SEMA3E: variants seen among roughly 807,000 people sequenced by gnomAD.
SEMA3E encodes semaphorin-3E.
In SEMA3E, 49 loss-of-function variants were observed where a neutral mutation model predicts 93.6. The observed-to-expected ratio is 0.52, with a 90% CI of 0.42 to 0.66. The LOEUF (loss-of-function observed/expected upper bound fraction) is 0.66. Among genes scored for constraint, SEMA3E ranks in the 30% least tolerant of loss-of-function variants. The pLI, the probability that SEMA3E is intolerant of heterozygous loss-of-function variation, is 0.00. For synonymous variants in SEMA3E, 363 were observed against 330.7 expected, an observed-to-expected ratio of 1.10 and a Z score of -1.06; for missense variants, 906 against 964.8, an observed-to-expected ratio of 0.94 and a Z score of 0.81.
chr7:83,499,091 A>G (rs1432468888), intron 1 of SEMA3E, among the ~76,000 whole-genome samples: 1 of 152,182 alleles, frequency 6.6e-6, no homozygotes, highest in African/African-American at 2.4e-5. Flanking sequence ...CAAAACTTAG[A>G]GAGGTTATAG....
At chr7:83,624,633 C>G (rs917752242) in intron 1 of SEMA3E, among the ~76,000 whole-genome samples, 2 of 152,080 alleles carry the variant, frequency 1.3e-5, no homozygotes, top group Non-Finnish European at 2.9e-5. Flanking sequence ...AGCCCTTTGT[C>G]AGATGGAAAG....
In SEMA3E at chr7:83,467,885, G is replaced by A. The variant is rs116780803; in HGVS notation, c.337-1284C>T. On this transcript the variant is annotated intron_variant, in intron 3 of 16. Coordinates refer to ENST00000643230, the MANE Select transcript of SEMA3E (RefSeq NM_012431.3). ...CATCAGTAAATGAATTTTATGATCA[G>A]TATACTGAATTTAAAAAAATAGTTT... 8.1e-3 allele frequency among the ~76,000 whole-genome samples: 1,181 copies of A among 146,050 alleles called. 24 individuals carry two copies. The highest frequency in any genetic ancestry group is 0.028 in the African/African-American group (1,114 of 39,506).
chr7:83,418,925 A>G (rs954046561), intron 4 of SEMA3E, among the ~76,000 whole-genome samples: 1 of 152,064 alleles, frequency 6.6e-6, no homozygotes, highest in African/African-American at 2.4e-5. Context: ...TATAAGGGGT[A>G]CATATGCAGG....
At chr7:83,593,693 A>T (rs953035032) in intron 1 of SEMA3E, among the ~76,000 whole-genome samples, 1 of 151,930 alleles carries the variant, frequency 6.6e-6, no homozygotes, top group Non-Finnish European at 1.5e-5. Flanking sequence ...TTCATTTTAA[A>T]CAGACTGAAT....
chr7:83,624,706 T>G (rs1793634284), intron 1 of SEMA3E, among the ~76,000 whole-genome samples: 1 of 152,224 alleles, frequency 6.6e-6, no homozygotes, highest in Non-Finnish European at 1.5e-5. Flanking sequence ...TTTATTTTGC[T>G]GTGCAGAAGC....
chr7:83,541,306 A>G (rs1213550477), intron 1 of SEMA3E, among the ~76,000 whole-genome samples: 1 of 152,206 alleles, frequency 6.6e-6, no homozygotes, highest in Non-Finnish European at 1.5e-5. Flanking sequence ...TGTCTATCAA[A>G]ATCCTTATTT....
intron 1 of SEMA3E, among the ~76,000 whole-genome samples, chr7:83,615,994 G>GAAA (rs75361688): frequency 7.6e-6 from 1 of 130,810 alleles, no homozygotes; most frequent in African/African-American, 2.7e-5. Flanking sequence ...TTAAGAAAAG[G>GAAA]AAAAAAAAAA....
At chr7:83,431,169 A>G (rs959270026) in intron 4 of SEMA3E, among the ~76,000 whole-genome samples, 3 of 151,314 alleles carry the variant, frequency 2.0e-5, no homozygotes, top group Admixed American at 2.0e-4. Flanking sequence ...TTTCTTCAAT[A>G]TATTAACTAT....
chr7:83,503,598 C>A (rs550187377), intron 1 of SEMA3E, among the ~76,000 whole-genome samples: 1 of 152,120 alleles, frequency 6.6e-6, no homozygotes, highest in African/African-American at 2.4e-5. Context: ...AGTGTACTTA[C>A]ACCAACCTAG....
chr7:83,596,843 G>A (rs998443486), intron 1 of SEMA3E, among the ~76,000 whole-genome samples: 4 of 152,146 alleles, frequency 2.6e-5, no homozygotes, highest in Admixed American at 2.6e-4. Flanking sequence ...GTTGTCATAG[G>A]CACAGAAAAG....
At chr7:83,423,997 A>G in intron 4 of SEMA3E, among the ~76,000 whole-genome samples, 1 of 152,220 alleles carries the variant, frequency 6.6e-6, no homozygotes, top group East Asian at 1.9e-4. Flanking sequence ...TTATTAGCCC[A>G]TTAATTTTTT....
At chr7:83,571,056 A>G (rs905858828) in intron 1 of SEMA3E, among the ~76,000 whole-genome samples, 4 of 150,996 alleles carry the variant, frequency 2.6e-5, no homozygotes, top group African/African-American at 9.7e-5. Context: ...TTGAAATGGA[A>G]TCTGTAATAA....
chr7:83,425,681 T>A (rs1788756214), intron 4 of SEMA3E, among the ~76,000 whole-genome samples: 1 of 152,222 alleles, frequency 6.6e-6, no homozygotes, highest in African/African-American at 2.4e-5. Flanking sequence ...TGTGTGCCAG[T>A]CATTCTGAAC....
chr7:83,580,047 G>C (rs1204665374), intron 1 of SEMA3E, among the ~76,000 whole-genome samples: 1 of 151,892 alleles, frequency 6.6e-6, no homozygotes, highest in Non-Finnish European at 1.5e-5. Context: ...AATTTTATGT[G>C]TCAATTCCAT....
intron 1 of SEMA3E, among the ~76,000 whole-genome samples, chr7:83,520,672 A>G (rs898820327): frequency 5.9e-5 from 9 of 152,314 alleles, no homozygotes; most frequent in Non-Finnish European, 1.2e-4. Flanking sequence ...AAGATACTTA[A>G]TAGATGCAAG....
intron 2 of SEMA3E, among the ~76,000 whole-genome samples, chr7:83,487,575 A>C (rs894200879): frequency 8.5e-5 from 13 of 152,108 alleles, no homozygotes; most frequent in African/African-American, 2.9e-4. Flanking sequence ...AGAAAAAGAG[A>C]GAGAAGAAAA....
chr7:83,457,745 C>A (rs536170709), intron 4 of SEMA3E, among the ~76,000 whole-genome samples: 22 of 152,238 alleles, frequency 1.4e-4, no homozygotes, highest in African/African-American at 5.3e-4. Flanking sequence ...GTTCAAAACT[C>A]CATCGTCTCC....
At chr7:83,474,669 G>T (rs1029667390) in intron 2 of SEMA3E, among the ~76,000 whole-genome samples, 4 of 152,096 alleles carry the variant, frequency 2.6e-5, no homozygotes, top group Non-Finnish European at 4.4e-5. Context: ...TCCATCAGTG[G>T]GTCATGCATG....
intron 1 of SEMA3E, among the ~76,000 whole-genome samples, chr7:83,547,938 G>C (rs1012050364): frequency 1.3e-5 from 2 of 152,080 alleles, no homozygotes; most frequent in Non-Finnish European, 2.9e-5. Flanking sequence ...TGAGGAACTG[G>C]TAGCATTTCC....
Sources: gnomAD v4.1 joint callset for allele counts (sites outside exome capture counted in the v4.1 genomes callset) on GRCh38, gnomAD v4.1.1 for gene constraint, MANE v1.5 for transcripts, NCBI Gene and HGNC (gene_info 2026-07-23, HGNC 2026-07-21) for gene names.